Variants in OTUD7B observed in about 807,000 individuals in gnomAD.
OTUD7B encodes OTU deubiquitinase 7B.
Under a neutral mutation model 82.2 loss-of-function variants are expected in OTUD7B, and 34 were observed. The observed-to-expected ratio is 0.41, with a 90% CI of 0.31 to 0.55. The LOEUF (loss-of-function observed/expected upper bound fraction) is 0.55, where lower values mean the gene tolerates loss of function less well. OTUD7B is among the 20% of genes least tolerant of loss of function. The probability of loss-of-function intolerance (pLI) is 0.20; values close to 1 mark genes in which losing one functional copy is unlikely to be tolerated. For synonymous variants in OTUD7B, 398 were observed against 402.7 expected, an observed-to-expected ratio of 0.99 and a Z score of 0.14; for missense variants, 944 against 1,062.1, an observed-to-expected ratio of 0.89 and a Z score of 1.55.
chr1:149,994,315 G>A (rs2101908452), intron 1 of OTUD7B, among the ~76,000 whole-genome samples: 1 of 152,254 alleles, frequency 6.6e-6, no homozygotes, highest in East Asian at 1.9e-4. Flanking sequence ...GGGCGCAGTG[G>A]CTCACGCCTA....
At chr1:149,953,013 T>C (rs1249190505) in intron 7 of OTUD7B, among the ~76,000 whole-genome samples, 5 of 152,226 alleles carry the variant, frequency 3.3e-5, no homozygotes, top group African/African-American at 1.2e-4. Context: ...TTCACTCTGA[T>C]GGTGGTTTCT....
chr1:149,952,304 GT>G (rs587717275), intron 7 of OTUD7B, among the ~76,000 whole-genome samples: 1 of 150,966 alleles, frequency 6.6e-6, no homozygotes, highest in African/African-American at 2.4e-5. Context: ...GTGGTGTTTG[GT>G]TTTTTGTCCT....
chr1:149,999,317 C>T (rs1652121196), intron 1 of OTUD7B, among the ~76,000 whole-genome samples: 1 of 152,170 alleles, frequency 6.6e-6, no homozygotes, highest in African/African-American at 2.4e-5. Flanking sequence ...GAAGCTAGGA[C>T]ACAGAAACTC....
upstream of OTUD7B, among the ~76,000 whole-genome samples, chr1:150,014,902 A>C (rs1653223607): frequency 8.7e-6 from 1 of 114,894 alleles, no homozygotes; most frequent in African/African-American, 3.5e-5. Context: ...AGATCACTAT[A>C]TGTGAATTTT....
chr1:149,999,529 C>T (rs1272106092), intron 1 of OTUD7B, among the ~76,000 whole-genome samples: 1 of 152,148 alleles, frequency 6.6e-6, no homozygotes. Flanking sequence ...AAAGCAGATG[C>T]TCACAATGGA....
chr1:150,054,945 C>A, the OTUD7B span: 1 of 310,838 alleles, frequency 3.2e-6, no homozygotes. Flanking sequence ...AGATTTTAAC[C>A]AAAATCAAAG....
upstream of OTUD7B, among the ~76,000 whole-genome samples, chr1:150,011,022 G>A (rs1225616531): frequency 6.6e-6 from 1 of 152,212 alleles, no homozygotes; most frequent in Admixed American, 6.5e-5. Flanking sequence ...TTGGGAAGGA[G>A]CTGAAAGGGG....
chr1:149,944,219 G>C lies in OTUD7B; in HGVS notation c.2170C>G (p.Leu724Val), dbSNP rs931129288. The C allele has an allele frequency of 2.5e-6, 4 of 1,613,110 alleles. No individual in the cohort carries two copies. Among genetic ancestry groups the C allele is most frequent in the Non-Finnish European group, 3.4e-6 (4 of 1,179,432 alleles). Reference protein sequence around the residue: ...QLAGGPCVGGLPPYATFPRQC... With the variant: ...QLAGGPCVGGVPPYATFPRQC... ...CTGGGGAAGGTGGCATATGGTGGTA[G>C]GCCCCCGACACATGGACCCCCTGCC... The change falls in exon 12 of 12, where the codon CTA (leucine) becomes GTA (valine). Residue 724 changes from leucine (L) to valine (V), a missense_variant. Physicochemically the swap from Leu to Val is conservative, Grantham distance 32. Around this residue, in one of 3 missense-constraint regions of OTUD7B, gnomAD observed 412 missense variants for 418.7 expected, o/e 0.98. Transcript: ENST00000581312.
In OTUD7B at chr1:149,950,104, G is replaced by C. The variant is rs782622140; in HGVS notation, c.963C>G (p.Ser321=). The C allele has an allele frequency of 1.5e-5, 24 of 1,613,820 alleles. 1 individual carries two copies. Among genetic ancestry groups the C allele is most frequent in the Non-Finnish European group, 1.9e-5 (23 of 1,180,038 alleles). ...GACTGGCTGACTCACCTTCCCCTCCGGAGTCCCTCAGCATGGTGTCTGCCA... is the reference window on the plus strand; with the variant it reads ...GACTGGCTGACTCACCTTCCCCTCCCGAGTCCCTCAGCATGGTGTCTGCCA... ...VVVADTMLRD[S]GGEAFAPIPF... is the part of the protein sequence containing the mutation. The change falls in exon 8 of 12, where the codon TCC becomes TCG. Residue 321 remains serine (S), a synonymous_variant. Coordinates refer to ENST00000581312, the MANE Select transcript of OTUD7B (RefSeq NM_020205.4).
At chr1:150,013,618 T>C (rs1442680250), upstream of OTUD7B, among the ~76,000 whole-genome samples, 1 of 151,918 alleles carries the variant, frequency 6.6e-6, no homozygotes, top group African/African-American at 2.4e-5. Flanking sequence ...AATCCATATT[T>C]TTTAAAAAAA....
chr1:150,037,261 T>TTC, the OTUD7B span, among the ~76,000 whole-genome samples: 1 of 151,572 alleles, frequency 6.6e-6, no homozygotes, highest in South Asian at 2.1e-4. Context: ...TTTTTTTTTT[T>TTC]TAAGTAAAAG....
intron 7 of OTUD7B, among the ~76,000 whole-genome samples, chr1:149,952,923 G>A (rs1383408455): frequency 2.0e-5 from 3 of 152,182 alleles, no homozygotes; most frequent in African/African-American, 4.8e-5. Flanking sequence ...CTTTGTTTAA[G>A]TTCTTTGTAG....
the OTUD7B span, among the ~76,000 whole-genome samples, chr1:150,040,442 T>A: frequency 3.2e-3 from 488 of 152,306 alleles, 2 homozygotes; most frequent in African/African-American, 0.011. Context: ...CATGATCTAT[T>A]TTTTGTTTAA....
the OTUD7B span, among the ~76,000 whole-genome samples, chr1:150,041,184 A>T: frequency 1.3e-5 from 2 of 151,814 alleles, no homozygotes; most frequent in African/African-American, 4.8e-5. Context: ...TTTTTGAGTC[A>T]ATTTTGGTTT....
At chr1:149,959,025 C>T (rs1553775130) in intron 7 of OTUD7B, among the ~76,000 whole-genome samples, 7 of 151,822 alleles carry the variant, frequency 4.6e-5, no homozygotes. Context: ...AGTTTGAGAT[C>T]ACCCTGGCCA....
Position 149,945,081 on chromosome 1 carries a change from A to G in OTUD7B, c.1324-16T>C. ...CCAGAGGAGCCTGGAAGAGACAAGA[A>G]CACTGTTGACAGTTATCCCAGCAGC... On this transcript the variant is annotated splice_polypyrimidine_tract_variant and intron_variant, in intron 11 of 11. Transcript: ENST00000581312. 6.2e-7 allele frequency: 1 copy of G among 1,607,484 alleles called. No individual in the cohort carries two copies. The highest frequency in any genetic ancestry group is 8.5e-7 in the Non-Finnish European group (1 of 1,177,312).
At chr1:150,048,060 T>G in the OTUD7B span, 1 of 152,150 alleles carries the variant, frequency 6.6e-6, no homozygotes, top group Admixed American at 6.6e-5. Context: ...TCTTTCCTAC[T>G]TTAAGCCTTG....
In OTUD7B at chr1:149,944,599, C is replaced by T; in HGVS notation, c.1790G>A (p.Ser597Asn). ...KYSQEVMQSL[S>N]ILRTAMQGEG... is the part of the protein sequence containing the mutation. ...CCCTTGCATGGCAGTCCTCAGAATG[C>T]TCAGGCTCTGCATCACCTCCTGGCT... The change falls in exon 12 of 12, where the codon AGC (serine) becomes AAC (asparagine). Residue 597 changes from serine to asparagine, a missense_variant. Physicochemically the swap from Ser to Asn is conservative, Grantham distance 46. This residue lies in a region of OTUD7B where 412 missense variants were observed against 418.7 expected (regional missense o/e 0.98). Transcript: ENST00000581312. 1.2e-6 allele frequency: 2 copies of T among 1,614,128 alleles called. No homozygotes were observed. The highest frequency in any genetic ancestry group is 1.7e-6 in the Non-Finnish European group (2 of 1,180,012).
chr1:150,059,061 T>C, the OTUD7B span, among the ~76,000 whole-genome samples: 3 of 148,946 alleles, frequency 2.0e-5, no homozygotes, highest in African/African-American at 7.4e-5. Context: ...TTCTTTTTTT[T>C]TTTTTTTTTT....
Sources: allele counts gnomAD v4.1 joint callset (sites outside exome capture counted in the v4.1 genomes callset), GRCh38; gene constraint gnomAD v4.1.1; regional missense constraint gnomAD v4.1.1; transcripts MANE v1.5; gene names NCBI Gene and HGNC (gene_info 2026-07-23, HGNC 2026-07-21).